Variants in AGL observed in about 807,000 individuals in gnomAD.
AGL encodes amylo-alpha-1,6-glucosidase and 4-alpha-glucanotransferase.
A neutral mutation model predicts 199.3 loss-of-function variants in AGL; 128 were observed. That is an observed-to-expected ratio of 0.64 (90% CI 0.56 to 0.74). The LOEUF (loss-of-function observed/expected upper bound fraction) is 0.74. Among genes scored for constraint, AGL ranks in the 30% least tolerant of loss-of-function variants. The pLI, the probability that AGL is intolerant of heterozygous loss-of-function variation, is 0.00. For missense variants in AGL, 1,809 were observed against 1,820.8 expected (o/e 0.99, Z 0.12); for synonymous variants, 584 against 594.7 (o/e 0.98, Z 0.26).
chr1:99,902,429 G>A (rs763116233), intron 26 of AGL, among the ~76,000 whole-genome samples: 1 of 152,210 alleles, frequency 6.6e-6, no homozygotes, highest in East Asian at 1.9e-4. Flanking sequence ...AAGCTCACTA[G>A]ATTTGTTTTT....
At chr1:99,881,758 T>C in intron 17 of AGL, 67 bp downstream of exon 17, 3 of 1,284,726 alleles carry the variant, frequency 2.3e-6, no homozygotes, top group Non-Finnish European at 3.3e-6. Context: ...ACTGTAATGT[T>C]ATGGTTATAT....
chr1:99,866,531 A>T (rs1362866218), intron 5 of AGL, among the ~76,000 whole-genome samples: 1 of 152,198 alleles, frequency 6.6e-6, no homozygotes, highest in East Asian at 1.9e-4. Flanking sequence ...ATATTGCATC[A>T]CAGGAATTTG....
At position 99,896,308 on chromosome 1, in the gene AGL, T is replaced by C. The variant is rs774514903; in HGVS notation, c.3282T>C (p.Gly1094=). Reference sequence around the variant, plus strand: ...TAGGCTTACCTCATTTTTCTTCTGGTATTTTCCGCTGCTGGGGAAGGGATA... The same window carrying C: ...TAGGCTTACCTCATTTTTCTTCTGGCATTTTCCGCTGCTGGGGAAGGGATA... The part of the protein sequence containing the change: ...LAAGLPHFSS[G]IFRCWGRDTF... Residue 1094 remains glycine (G), a synonymous_variant, in exon 25 of 34, where the codon GGT becomes GGC. Coordinates refer to ENST00000361915, the MANE Select transcript of AGL (RefSeq NM_000642.3). The C allele has an allele frequency of 6.2e-7, 1 of 1,614,056 alleles. No homozygotes were observed. The highest frequency in any genetic ancestry group is 1.7e-5 in the Admixed American group (1 of 60,022).
At chr1:99,894,512 A>C (rs564012242) in intron 24 of AGL, among the ~76,000 whole-genome samples, 8 of 152,310 alleles carry the variant, frequency 5.3e-5, no homozygotes, top group Non-Finnish European at 8.8e-5. Flanking sequence ...CATCAAAATT[A>C]ATATCATGTA....
At chr1:99,866,513 C>T (rs780528710) in intron 5 of AGL, among the ~76,000 whole-genome samples, 7 of 152,184 alleles carry the variant, frequency 4.6e-5, no homozygotes, top group Non-Finnish European at 1.0e-4. Context: ...ATATATATTA[C>T]TGTGTTCATA....
At position 99,876,580 on chromosome 1, in the gene AGL, G is replaced by A. The variant is rs759535258; in HGVS notation, c.1406G>A (p.Arg469Gln). The change falls in exon 11 of 34, where the codon CGA becomes CAA. Residue 469 changes from arginine to glutamine, a missense_variant. Coordinates refer to ENST00000361915, the MANE Select transcript of AGL (RefSeq NM_000642.3). ...TGGGTAATGGGAGATGATCCTCTTC[G>A]AAACTTTGCTGAACCGGGTATGTAA... Reference protein sequence around the residue: ...NGWVMGDDPLRNFAEPGSEVY... With the variant: ...NGWVMGDDPLQNFAEPGSEVY... The A allele has an allele frequency of 6.7e-5, 108 of 1,613,832 alleles. No homozygotes were observed. Among genetic ancestry groups the A allele is most frequent in the Non-Finnish European group, 8.1e-5 (96 of 1,179,958 alleles).
chr1:99,912,600 C>T, intron 29 of AGL, 83 bp downstream of exon 29: 2 of 996,024 alleles, frequency 2.0e-6, no homozygotes, highest in Non-Finnish European at 3.1e-6. Context: ...TTGATTCTAT[C>T]AGCTAATATC....
intron 33 of AGL, among the ~76,000 whole-genome samples, chr1:99,920,916 C>T (rs1655470902): frequency 6.6e-6 from 1 of 152,134 alleles, no homozygotes; most frequent in South Asian, 2.1e-4. Flanking sequence ...AGTTATTTAA[C>T]CTCTATAAAT....
chr1:99,877,622 C>T lies in AGL; in HGVS notation c.1424-19C>T, dbSNP rs1651655555. On this transcript the variant is annotated intron_variant, in intron 11 of 33. Coordinates refer to ENST00000361915, the MANE Select transcript of AGL (RefSeq NM_000642.3). ...ATTTTATTTCTTGAACCATTGAAAG[C>T]AATCTCTTTTCTGAACAGGTTCAGA... 2 of 1,611,824 alleles carry T rather than the reference C, an allele frequency of 1.2e-6. No homozygotes were observed. Among genetic ancestry groups the T allele is most frequent in the East Asian group, 4.5e-5 (2 of 44,830 alleles).
At chr1:99,912,877 G>A (rs1256804734) in intron 29 of AGL, among the ~76,000 whole-genome samples, 2 of 152,090 alleles carry the variant, frequency 1.3e-5, no homozygotes, top group African/African-American at 2.4e-5. Flanking sequence ...AAATTTTATA[G>A]TACCCACATT....
At chr1:99,882,555 T>C (rs1366780087) in intron 17 of AGL, among the ~76,000 whole-genome samples, 1 of 152,226 alleles carries the variant, frequency 6.6e-6, no homozygotes, top group Non-Finnish European at 1.5e-5. Flanking sequence ...TCTTTCAAGG[T>C]CTAAAGTTGC....
In AGL at chr1:99,861,650, C is replaced by A; in HGVS notation, c.230C>A (p.Ser77Tyr). The A allele has an allele frequency of 6.2e-7, 1 of 1,613,408 alleles. No homozygotes were observed. The highest frequency in any genetic ancestry group is 8.5e-7 in the Non-Finnish European group (1 of 1,179,476). Reference sequence around the variant, plus strand: ...AATCCAACAGAAAGAGAAGATGATTCTGATAAATACTGTAAACTTAATCTG... The same window carrying A: ...AATCCAACAGAAAGAGAAGATGATTATGATAAATACTGTAAACTTAATCTG... Reference protein sequence around the residue: ...WENPTEREDDSDKYCKLNLQQ... With the variant: ...WENPTEREDDYDKYCKLNLQQ... The change falls in exon 3 of 34, where the codon TCT becomes TAT. Residue 77 changes from serine to tyrosine, a missense_variant. Coordinates refer to ENST00000361915, the MANE Select transcript of AGL (RefSeq NM_000642.3).
Position 99,864,453 on chromosome 1 carries a change from C to CA in AGL, c.530dup (p.Asn177LysfsTer8), listed in dbSNP as rs758711507. 1 of 1,613,788 alleles carries CA rather than the reference C, an allele frequency of 6.2e-7. No individual in the cohort carries two copies. The highest frequency in any genetic ancestry group is 1.1e-5 in the South Asian group (1 of 91,060). ...TATCTAGGTCATGCTACTCCCTTGC[C>CA]AATCAGTTAGAATTAAATCCTGACT... On this transcript the variant is annotated frameshift_variant, in exon 5 of 34. Transcript: ENST00000361915. LOFTEE classifies it high-confidence loss of function.
intron 2 of AGL, among the ~76,000 whole-genome samples, chr1:99,857,058 C>T (rs1327383754): frequency 6.7e-6 from 1 of 149,260 alleles, no homozygotes; most frequent in African/African-American, 2.5e-5. Flanking sequence ...GGCGGCTGGC[C>T]GGGCAGGGGG....
rs1655524478 is a variant in AGL at position 99,921,691 on chromosome 1, G to A, written c.*40G>A. 2 of 1,400,728 alleles carry A rather than the reference G, an allele frequency of 1.4e-6. No homozygotes were observed. Among genetic ancestry groups the A allele is most frequent in the African/African-American group, 2.8e-5 (2 of 70,592 alleles). The allele number at this position is 1,400,728 out of a possible 1,614,324, so 86.8% of individuals were successfully genotyped here. A position where few individuals can be genotyped will look rare whatever the true frequency, so the allele number is the denominator to read the frequency against. On this transcript the variant is annotated 3_prime_UTR_variant, in exon 34 of 34. Transcript: ENST00000361915. Reference sequence around the variant, plus strand: ...TAAGTATGCAATTACTTGTATTATAGGATGCAAGGTCATCATATGTAAATG... The same window carrying A: ...TAAGTATGCAATTACTTGTATTATAAGATGCAAGGTCATCATATGTAAATG...
intron 5 of AGL, among the ~76,000 whole-genome samples, chr1:99,866,228 G>C (rs1217599394): frequency 1.3e-5 from 2 of 152,190 alleles, no homozygotes; most frequent in African/African-American, 2.4e-5. Context: ...GTTATAAATT[G>C]TATGAGTTAG....
At chr1:99,920,584 CA>C (rs541803415) in intron 33 of AGL, among the ~76,000 whole-genome samples, 3 of 152,096 alleles carry the variant, frequency 2.0e-5, no homozygotes, top group Admixed American at 6.5e-5. Flanking sequence ...CTATATTTTC[CA>C]TGTTTCTATG....
chr1:99,895,523 CATATACTTAATTAGGTATCATTA>C (rs1653230187), intron 24 of AGL, among the ~76,000 whole-genome samples: 1 of 152,064 alleles, frequency 6.6e-6, no homozygotes, highest in Non-Finnish European at 1.5e-5. Context: ...ATGTTGACTC[CATATACTTAATTAGGTATCATTA>C]AGGTAATAAT....
Position 99,881,439 on chromosome 1 carries a change from T to C in AGL, c.2149T>C (p.Phe717Leu). 4 of 1,614,066 alleles carry C rather than the reference T, an allele frequency of 2.5e-6. No individual in the cohort carries two copies. Among genetic ancestry groups the C allele is most frequent in the Non-Finnish European group, 8.5e-7 (1 of 1,179,974 alleles). Reference protein sequence around the residue: ...KLHQELGAKGFIQVYVDQVDE... With the variant: ...KLHQELGAKGLIQVYVDQVDE... ...TCATCAGGAGCTTGGAGCCAAGGGT[T>C]TTATTCAGGCAAGAAATAATTAAAT... Residue 717 changes from phenylalanine (F) to leucine (L), a missense_variant, in exon 16 of 34, where the codon TTT becomes CTT. Phe to Leu is a conservative substitution (Grantham distance 22). Transcript: ENST00000361915.
Sources: gnomAD v4.1 joint callset for allele counts (sites outside exome capture counted in the v4.1 genomes callset) on GRCh38, gnomAD v4.1.1 for gene constraint, MANE v1.5 for transcripts, NCBI Gene and HGNC (gene_info 2026-07-23, HGNC 2026-07-21) for gene names.